Variants in ARHGAP44 observed in about 807,000 individuals in gnomAD.
The protein encoded by ARHGAP44 is Rho GTPase activating protein 44.
ARHGAP44 carries 43 observed loss-of-function variants against 106.8 expected under a neutral mutation model. The observed-to-expected ratio is 0.40, with a 90% confidence interval of 0.32 to 0.52. ARHGAP44 has a LOEUF of 0.52. Among genes scored for constraint, ARHGAP44 ranks in the 20% least tolerant of loss-of-function variants. ARHGAP44 has a pLI of 0.48. For missense variants in ARHGAP44, 866 were observed against 1,050.5 expected (o/e 0.82, Z 2.43); for synonymous variants, 439 against 410.3 (o/e 1.07, Z -0.85).
chr17:12,870,821 C>T (rs1256018070), intron 1 of ARHGAP44, among the ~76,000 whole-genome samples: 1 of 152,058 alleles, frequency 6.6e-6, no homozygotes, highest in Non-Finnish European at 1.5e-5. Context: ...GTTATATTAC[C>T]TTTTTACTTA....
intron 1 of ARHGAP44, among the ~76,000 whole-genome samples, chr17:12,880,121 T>G (rs1466290939): frequency 6.6e-6 from 1 of 152,074 alleles, no homozygotes. Context: ...GAACATTTTG[T>G]TTTTCATCTT....
intron 16 of ARHGAP44, 189 bp downstream of exon 16, chr17:12,959,086 A>G (rs2039197932): frequency 4.5e-6 from 3 of 671,834 alleles, no homozygotes; most frequent in Admixed American, 2.3e-5. Context: ...CCTTTAGACC[A>G]GAGGTCAGTG....
Position 12,837,669 on chromosome 17 carries a change from C to T in ARHGAP44, c.53+47778C>T, listed in dbSNP as rs74814180. On this transcript the variant is annotated intron_variant, in intron 1 of 20. Coordinates refer to ENST00000379672, the MANE Select transcript of ARHGAP44 (RefSeq NM_014859.6). ...GGGCAGGTAGTAGAACTGGTGAATG[C>T]GCAAGGCTTTGACGAGGGTTAACAA... Among the ~76,000 whole-genome samples, 746 of 151,372 alleles carry T rather than the reference C, an allele frequency of 4.9e-3. 26 individuals carry two copies. The East Asian group carries it at 0.069, about 14-fold the overall frequency.
intron 1 of ARHGAP44, among the ~76,000 whole-genome samples, chr17:12,823,595 C>G (rs1345674490): frequency 6.6e-6 from 1 of 152,064 alleles, no homozygotes; most frequent in Non-Finnish European, 1.5e-5. Context: ...TCATCTTTTC[C>G]CAAACTTTGC....
At chr17:12,947,256 CA>C (rs1409708144) in intron 10 of ARHGAP44, among the ~76,000 whole-genome samples, 1 of 152,202 alleles carries the variant, frequency 6.6e-6, no homozygotes, top group Admixed American at 6.5e-5. Flanking sequence ...CCCAAATTGC[CA>C]AATCCGATGA....
chr17:12,909,590 A>T (rs938867684), intron 4 of ARHGAP44, among the ~76,000 whole-genome samples: 1 of 152,210 alleles, frequency 6.6e-6, no homozygotes, highest in Non-Finnish European at 1.5e-5. Context: ...AAGATTATAC[A>T]CAAATAAATA....
At chr17:12,885,508 A>G (rs1040685231) in intron 1 of ARHGAP44, among the ~76,000 whole-genome samples, 1 of 151,040 alleles carries the variant, frequency 6.6e-6, no homozygotes, top group African/African-American at 2.4e-5. Flanking sequence ...GTTATTCCAT[A>G]TGGTCAAGAA....
rs562122317 is a variant in ARHGAP44, at chr17:12,791,082, C to T, written c.53+1191C>T. Among the ~76,000 whole-genome samples the T allele has an allele frequency of 3.3e-5, 5 of 152,254 alleles. No homozygotes were observed. The South Asian group carries it at 8.3e-4, about 25-fold the overall frequency. ...GGGGAATAGGGGACATCTGAACTCC[C>T]GTCTGAGCATACTGCCCTAGTTACA... is the stretch of plus-strand genomic sequence containing the variant. On this transcript the variant is annotated intron_variant, in intron 1 of 20. Coordinates refer to ENST00000379672, the MANE Select transcript of ARHGAP44 (RefSeq NM_014859.6).
intron 7 of ARHGAP44, among the ~76,000 whole-genome samples, chr17:12,939,761 C>T (rs1426381701): frequency 3.3e-5 from 5 of 152,202 alleles, no homozygotes; most frequent in African/African-American, 7.2e-5. Context: ...CCACCACGCC[C>T]GGCCAATGAA....
chr17:12,989,916 C>T (rs117520601), intron 20 of ARHGAP44, 116 bp from the exon 21 acceptor site: 31,523 of 1,424,138 alleles, frequency 0.022, 399 homozygotes, highest in South Asian at 0.026. Flanking sequence ...TCCAAATGAT[C>T]TATCCCTAGA....
intron 1 of ARHGAP44, among the ~76,000 whole-genome samples, chr17:12,827,545 G>A (rs2034956406): frequency 6.6e-6 from 1 of 151,994 alleles, no homozygotes; most frequent in Non-Finnish European, 1.5e-5. Context: ...TGATGGAATA[G>A]TAATATATTC....
intron 1 of ARHGAP44, among the ~76,000 whole-genome samples, chr17:12,811,968 A>G (rs1160069795): frequency 6.6e-6 from 1 of 152,152 alleles, no homozygotes; most frequent in Non-Finnish European, 1.5e-5. Context: ...TTCCAACTGT[A>G]TTCACATTCT....
intron 3 of ARHGAP44, among the ~76,000 whole-genome samples, chr17:12,908,309 G>C (rs1198667337): frequency 1.3e-5 from 2 of 148,486 alleles, no homozygotes; most frequent in African/African-American, 5.0e-5. Context: ...CCATTCTGCT[G>C]CCTCAGCCTC....
chr17:12,885,798 T>C (rs2150905612), intron 1 of ARHGAP44, among the ~76,000 whole-genome samples: 1 of 152,316 alleles, frequency 6.6e-6, no homozygotes, highest in Non-Finnish European at 1.5e-5. Context: ...TTCTCTCTTT[T>C]TCTGAGTTAT....
At chr17:12,969,568 T>C (rs2039475942) in intron 16 of ARHGAP44, among the ~76,000 whole-genome samples, 1 of 152,230 alleles carries the variant, frequency 6.6e-6, no homozygotes, top group African/African-American at 2.4e-5. Flanking sequence ...TTCAAAGCCC[T>C]GCTGTCCTGA....
At chr17:12,935,106 G>C (rs369046823) in intron 7 of ARHGAP44, among the ~76,000 whole-genome samples, 1 of 152,180 alleles carries the variant, frequency 6.6e-6, no homozygotes, top group Admixed American at 6.5e-5. Context: ...GAATAGGCAG[G>C]AGGGGCAGGA....
At chr17:12,819,022 A>G (rs2034683230) in intron 1 of ARHGAP44, among the ~76,000 whole-genome samples, 2 of 152,096 alleles carry the variant, frequency 1.3e-5, no homozygotes, top group South Asian at 4.1e-4. Context: ...TTTTAATTAC[A>G]GTAAAGCTAC....
chr17:12,910,716 G>A lies in ARHGAP44; in HGVS notation c.275+1743G>A, dbSNP rs537688705. On this transcript the variant is annotated intron_variant, in intron 4 of 20. Coordinates refer to ENST00000379672, the MANE Select transcript of ARHGAP44 (RefSeq NM_014859.6). ...CCTCCTCGGCCTCCCAAAGTACTGG[G>A]ATTACAGGAGTGCTTATGTAGCATT... 6.7e-4 allele frequency among the ~76,000 whole-genome samples: 102 copies of A among 152,086 alleles called. 1 individual carries two copies. Among genetic ancestry groups the A allele is most frequent in the African/African-American group, 2.3e-3 (97 of 41,514 alleles).
chr17:12,824,728 A>T (rs1478235995), intron 1 of ARHGAP44, among the ~76,000 whole-genome samples: 1 of 151,914 alleles, frequency 6.6e-6, no homozygotes, highest in African/African-American at 2.4e-5. Context: ...GAATATGTCC[A>T]TCTAAGGTTC....
Sources: gnomAD v4.1 joint callset for allele counts (sites outside exome capture counted in the v4.1 genomes callset) on GRCh38, gnomAD v4.1.1 for gene constraint, MANE v1.5 for transcripts, NCBI Gene and HGNC (gene_info 2026-07-23, HGNC 2026-07-21) for gene names.